The following CHRM2 variants were observed in gnomAD, a reference collection of about 807,000 sequenced individuals.
CHRM2 encodes the protein cholinergic receptor muscarinic 2.
A neutral mutation model predicts 25.0 loss-of-function variants in CHRM2; 8 were observed. The observed-to-expected ratio is 0.32, with a 90% CI of 0.19 to 0.58. The LOEUF is 0.58. Ranked by LOEUF, CHRM2 falls within the 20% of genes least tolerant of loss-of-function variation. The pLI, the probability that CHRM2 is intolerant of heterozygous loss-of-function variation, is 0.88. For synonymous variants in CHRM2, 202 were observed against 205.7 expected (o/e 0.98, Z 0.15); for missense variants, 440 against 567.1 (o/e 0.78, Z 2.28).
intron 2 of CHRM2, among the ~76,000 whole-genome samples, chr7:136,973,837 G>A (rs1484377173): frequency 6.6e-6 from 1 of 152,020 alleles, no homozygotes; most frequent in Non-Finnish European, 1.5e-5. Flanking sequence ...CTTTTAAAGA[G>A]CCAAATGGTT....
chr7:136,984,071 G>A (rs528489166), intron 2 of CHRM2, among the ~76,000 whole-genome samples: 3 of 152,252 alleles, frequency 2.0e-5, no homozygotes, highest in Admixed American at 2.0e-4. Flanking sequence ...TCTGTCCCAG[G>A]GATATGGGAA....
intron 2 of CHRM2, among the ~76,000 whole-genome samples, chr7:136,894,618 C>T (rs968171316): frequency 5.3e-5 from 8 of 152,056 alleles, no homozygotes; most frequent in South Asian, 2.1e-4. Flanking sequence ...GTGATCCACC[C>T]GCCTCGGCCT....
intron 2 of CHRM2, among the ~76,000 whole-genome samples, chr7:136,900,310 C>T (rs190773324): frequency 1.1e-4 from 17 of 152,134 alleles, no homozygotes; most frequent in Admixed American, 9.8e-4. Context: ...GTTTTGCAGC[C>T]AAGTTAACTA....
intron 2 of CHRM2, among the ~76,000 whole-genome samples, chr7:136,963,321 G>A (rs933999953): frequency 2.6e-5 from 4 of 152,242 alleles, no homozygotes; most frequent in East Asian, 3.9e-4. Flanking sequence ...TCGTAAGCAC[G>A]AGACATGGTG....
chr7:136,981,336 C>T (rs1802473792), intron 2 of CHRM2, among the ~76,000 whole-genome samples: 1 of 151,968 alleles, frequency 6.6e-6, no homozygotes, highest in Admixed American at 6.6e-5. Context: ...TCTTTCTTTT[C>T]TTGTTTATTA....
intron 2 of CHRM2, among the ~76,000 whole-genome samples, chr7:136,978,343 A>AT (rs894084240): frequency 3.3e-5 from 5 of 152,136 alleles, no homozygotes; most frequent in African/African-American, 4.8e-5. Context: ...TCTATAGTGT[A>AT]TTTTTTCTAC....
chr7:136,903,266 G>C (rs757604384), intron 2 of CHRM2: 3 of 533,772 alleles, frequency 5.6e-6, no homozygotes, highest in Non-Finnish European at 1.2e-5. Flanking sequence ...CCATGCTGTT[G>C]AGCTGTTCAC....
At chr7:136,977,109 C>T (rs1040925664) in intron 2 of CHRM2, among the ~76,000 whole-genome samples, 1 of 152,168 alleles carries the variant, frequency 6.6e-6, no homozygotes, top group Non-Finnish European at 1.5e-5. Context: ...CTTTGGAATC[C>T]AAGAGAAGCT....
Position 137,003,753 on chromosome 7 carries a change from C to T in CHRM2, c.-46-11067C>T, listed in dbSNP as rs78119583. On this transcript the variant is annotated intron_variant, in intron 3 of 3. Transcript: ENST00000680005. Reference sequence around the variant, plus strand: ...ATTGTTGATATGGTTTGGCTGTGTTCCCACCCAAACCTCATTTTGAATTGT... The same window carrying T: ...ATTGTTGATATGGTTTGGCTGTGTTTCCACCCAAACCTCATTTTGAATTGT... Among the ~76,000 whole-genome samples, 165 of 152,168 alleles carry T rather than the reference C, an allele frequency of 1.1e-3. 1 individual carries two copies. Among genetic ancestry groups the T allele is most frequent in the African/African-American group, 3.8e-3 (157 of 41,514 alleles).
At chr7:136,905,070 G>C (rs537810447) in intron 2 of CHRM2, among the ~76,000 whole-genome samples, 69 of 152,034 alleles carry the variant, frequency 4.5e-4, no homozygotes, top group African/African-American at 1.6e-3. Flanking sequence ...AGTTTGGGTT[G>C]TTCTTTTTTG....
intron 3 of CHRM2, among the ~76,000 whole-genome samples, chr7:137,013,777 T>C (rs569118473): frequency 1.3e-5 from 2 of 152,150 alleles, no homozygotes; most frequent in African/African-American, 2.4e-5. Context: ...CATCAACCCA[T>C]GTCTGCCACC....
In CHRM2 at chr7:136,895,550, T is replaced by C. The variant is rs141366313; in HGVS notation, c.-125+26132T>C. On this transcript the variant is annotated intron_variant, in intron 2 of 3. Transcript: ENST00000680005. ...TTTCTATGACTCAGTTTATATTTCT[T>C]AGCATGGTTTATCCAAAACTAAATG... 2.8e-4 allele frequency among the ~76,000 whole-genome samples: 43 copies of C among 152,330 alleles called. No homozygotes were observed. The East Asian group carries it at 8.1e-3, about 29-fold the overall frequency.
intron 2 of CHRM2, among the ~76,000 whole-genome samples, chr7:136,947,164 C>A (rs1406172018): frequency 6.6e-6 from 1 of 152,132 alleles, no homozygotes; most frequent in Non-Finnish European, 1.5e-5. Flanking sequence ...CCAAGGCCAG[C>A]AAATAGTTTG....
intron 2 of CHRM2, among the ~76,000 whole-genome samples, chr7:136,920,127 C>T (rs1037622660): frequency 8.6e-5 from 13 of 151,672 alleles, no homozygotes; most frequent in Non-Finnish European, 1.8e-4. Flanking sequence ...AATGAAATAA[C>T]CCCTGCTATT....
intron 2 of CHRM2, among the ~76,000 whole-genome samples, chr7:136,925,741 G>GTCTCCTTATTTTGTCTCACTGCA (rs1281341729): frequency 1.3e-5 from 2 of 152,114 alleles, no homozygotes; most frequent in Non-Finnish European, 2.9e-5. Context: ...TCACTTTCAA[G>GTCTCCTTATTTTGTCTCACTGCA]TCTCCTTATC....
At chr7:136,939,735 G>T (rs1211501808) in intron 2 of CHRM2, among the ~76,000 whole-genome samples, 1 of 152,308 alleles carries the variant, frequency 6.6e-6, no homozygotes, top group South Asian at 2.1e-4. Flanking sequence ...AAGTCACAAA[G>T]CTAATAGAGT....
chr7:136,981,664 T>C (rs1371716939), intron 2 of CHRM2, among the ~76,000 whole-genome samples: 1 of 152,196 alleles, frequency 6.6e-6, no homozygotes, highest in Non-Finnish European at 1.5e-5. Flanking sequence ...TTCTCATTGG[T>C]TTCAAAGAAC....
chr7:136,954,554 G>T (rs1800606264), intron 2 of CHRM2, among the ~76,000 whole-genome samples: 1 of 152,036 alleles, frequency 6.6e-6, no homozygotes, highest in African/African-American at 2.4e-5. Flanking sequence ...ATATTCAATG[G>T]ATTCTCTACC....
In CHRM2 at chr7:137,017,520, G is replaced by A. The variant is rs1805248956; in HGVS notation, c.*1254G>A. On this transcript the variant is annotated 3_prime_UTR_variant, in exon 4 of 4. Transcript: ENST00000680005. ...GATGATATTCAAATTATAACCAAGT[G>A]AGGATGTCTGCAATTATCCTATGAC... The A allele has an allele frequency of 6.6e-6, 1 of 151,946 alleles. No homozygotes were observed. Among genetic ancestry groups the A allele is most frequent in the African/African-American group, 2.4e-5 (1 of 41,394 alleles). The allele number at this position is 151,946 out of a possible 1,614,324, so 9.4% of individuals were successfully genotyped here.
Sources: allele counts gnomAD v4.1 joint callset (sites outside exome capture counted in the v4.1 genomes callset), GRCh38; gene constraint gnomAD v4.1.1; transcripts MANE v1.5; gene names NCBI Gene and HGNC (gene_info 2026-07-23, HGNC 2026-07-21).